The following SRD5A3 variants were observed in gnomAD, a reference collection of about 807,000 sequenced individuals.
The protein encoded by SRD5A3 is steroid 5 alpha-reductase 3.
A neutral mutation model predicts 34.3 loss-of-function variants in SRD5A3; 24 were observed. That is an observed-to-expected ratio of 0.70 (90% confidence interval 0.51 to 0.99). The LOEUF is 0.99. Among genes scored for constraint, SRD5A3 ranks in the 50% least tolerant of loss-of-function variants. The pLI is 0.00. For missense variants in SRD5A3, 350 were observed against 388.2 expected (o/e 0.90, Z 0.83); for synonymous variants, 161 against 167.3 (o/e 0.96, Z 0.29).
Position 55,346,351 on chromosome 4 carries a change from G to C in SRD5A3, c.15G>C (p.Ala5=). 2 of 1,515,378 alleles carry C rather than the reference G, an allele frequency of 1.3e-6. No individual in the cohort carries two copies. Among genetic ancestry groups the C allele is most frequent in the Non-Finnish European group, 1.8e-6 (2 of 1,133,570 alleles). The allele number at this position is 1,515,378 out of a possible 1,614,324, so 93.9% of individuals were successfully genotyped here. The part of the protein sequence containing the change: MAPW[A]EAEHSALNPL... ...GCACGCGGGCCATGGCTCCCTGGGC[G>C]GAGGCCGAGCACTCGGCGCTGAACC... The change falls in exon 1 of 5, where the codon GCG becomes GCC. Residue 5 remains alanine (A), a synonymous_variant. Transcript: ENST00000264228.
chr4:55,359,195 C>A, intron 1 of SRD5A3, 151 bp from the exon 2 acceptor site: 1 of 1,051,780 alleles, frequency 9.5e-7, no homozygotes, highest in Non-Finnish European at 1.4e-6. Flanking sequence ...AGAACCTGAA[C>A]ACCTATAGGA....
Position 55,353,560 on chromosome 4 carries a change from T to G in SRD5A3, c.222-5786T>G, listed in dbSNP as rs1719289459. On this transcript the variant is annotated intron_variant, in intron 1 of 4. Transcript: ENST00000264228. ...GGGTCCCCTTCTACCCTGTGGAGGC[T>G]GTATTCTTTTGCTCTTCACGGTAAG... 2.0e-5 allele frequency among the ~76,000 whole-genome samples: 3 copies of G among 152,196 alleles called. No individual in the cohort carries two copies. In the South Asian group the frequency reaches 6.2e-4, roughly 31 times the overall value.
rs1325249991 is a variant in SRD5A3 at position 55,347,889 on chromosome 4, GGCT to G, written c.221+1333_221+1335del. 1.1e-4 allele frequency among the ~76,000 whole-genome samples: 16 copies of G among 152,254 alleles called. No individual in the cohort carries two copies. In the East Asian group the frequency reaches 2.9e-3, roughly 28 times the overall value. On this transcript the variant is annotated intron_variant, in intron 1 of 4. Transcript: ENST00000264228. The stretch of plus-strand genomic sequence containing the variant: ...TTGATCAAACCTCCTGTTTCCTAGA[GGCT>G]CTTTTTAAGCAAAAATTACCTGTTA...
Position 55,359,423 on chromosome 4 carries a change from T to A in SRD5A3, c.299T>A (p.Leu100Gln). Residue 100 changes from leucine (L) to glutamine (Q), a missense_variant, in exon 2 of 5, where the codon CTG (leucine) becomes CAG (glutamine). Physicochemically the swap from Leu to Gln is moderately radical, Grantham distance 113. Transcript: ENST00000264228. Reference sequence around the variant, plus strand: ...TGGTGCCTTACTCAATCTCTGTTCCTGGGAGCACCTTTTCCAAGCTGGCTT... The same window carrying A: ...TGGTGCCTTACTCAATCTCTGTTCCAGGGAGCACCTTTTCCAAGCTGGCTT... ...LLWCLTQSLF[L>Q]GAPFPSWLHG... The A allele has an allele frequency of 6.2e-7, 1 of 1,614,120 alleles. No individual in the cohort carries two copies. Among genetic ancestry groups the A allele is most frequent in the Non-Finnish European group, 8.5e-7 (1 of 1,180,024 alleles).
intron 3 of SRD5A3, among the ~76,000 whole-genome samples, chr4:55,365,430 T>G (rs1418806494): frequency 6.6e-6 from 1 of 152,236 alleles, no homozygotes; most frequent in East Asian, 1.9e-4. Context: ...TTAGCTAGCA[T>G]CTCTCTGATT....
In SRD5A3 at chr4:55,369,858, A is replaced by T; in HGVS notation, c.724A>T (p.Ile242Phe). The change falls in exon 5 of 5, where the codon ATC (isoleucine) becomes TTC (phenylalanine). Residue 242 changes from isoleucine to phenylalanine, a missense_variant. By Grantham distance (21) the Ile-to-Phe change is conservative (BLOSUM62 0). Around this residue, in one of 3 missense-constraint regions of SRD5A3, gnomAD observed 186 missense variants for 221.4 expected, o/e 0.84. Transcript: ENST00000264228. The part of the protein sequence containing the change: ...AGVVIHCNHR[I>F]PFGDWFEYVS... ...AGTGGTCATTCACTGTAACCACAGGATCCCATTTGGAGACTGGTTTGAATA... is the reference window on the plus strand; with the variant it reads ...AGTGGTCATTCACTGTAACCACAGGTTCCCATTTGGAGACTGGTTTGAATA... 6.2e-7 allele frequency: 1 copy of T among 1,614,160 alleles called. No individual in the cohort carries two copies. Among genetic ancestry groups the T allele is most frequent in the Non-Finnish European group, 8.5e-7 (1 of 1,180,018 alleles).
chr4:55,369,096 T>G (rs1384364293), intron 4 of SRD5A3, among the ~76,000 whole-genome samples: 5 of 152,196 alleles, frequency 3.3e-5, no homozygotes, highest in African/African-American at 1.2e-4. Context: ...GGCCCTGTTC[T>G]GAGTGCTTTA....
chr4:55,366,220 G>C (rs1360492869), intron 3 of SRD5A3, among the ~76,000 whole-genome samples: 1 of 152,146 alleles, frequency 6.6e-6, no homozygotes, highest in African/African-American at 2.4e-5. Flanking sequence ...CCTTTTTCCT[G>C]TAGGTAAACT....
chr4:55,357,931 G>A (rs1344708486), intron 1 of SRD5A3, among the ~76,000 whole-genome samples: 2 of 152,178 alleles, frequency 1.3e-5, no homozygotes. Flanking sequence ...GGAATGATCA[G>A]GTTGGATCAG....
chr4:55,368,098 C>T (rs948780097), intron 4 of SRD5A3, among the ~76,000 whole-genome samples: 103 of 152,168 alleles, frequency 6.8e-4, no homozygotes, highest in African/African-American at 2.4e-3. Flanking sequence ...TTGAATAGGC[C>T]AGGCGCAGTG....
Position 55,369,825 on chromosome 4 carries a change from C to T in SRD5A3, c.698-7C>T. On this transcript the variant is annotated splice_polypyrimidine_tract_variant and splice_region_variant and intron_variant, in intron 4 of 4. Coordinates refer to ENST00000264228, the MANE Select transcript of SRD5A3 (RefSeq NM_024592.5). ...AATGCTTATGAGATCTTCTTTTACC[C>T]TTTCAGGAGTGGTCATTCACTGTAA... The T allele has an allele frequency of 6.2e-7, 1 of 1,613,996 alleles. No individual in the cohort carries two copies. The highest frequency in any genetic ancestry group is 8.5e-7 in the Non-Finnish European group (1 of 1,180,004).
intron 2 of SRD5A3, 161 bp from the exon 3 acceptor site, chr4:55,363,913 G>A: frequency 1.3e-6 from 1 of 746,842 alleles, no homozygotes; most frequent in Middle Eastern, 3.5e-4. Context: ...TGTAATTTGA[G>A]TGAAGTCAAA....
chr4:55,361,836 T>C (rs1350622899), intron 2 of SRD5A3, among the ~76,000 whole-genome samples: 1 of 151,994 alleles, frequency 6.6e-6, no homozygotes, highest in African/African-American at 2.4e-5. Context: ...ACATCCTCTT[T>C]GGAAGGGTAG....
At chr4:55,347,462 C>A (rs1475512643) in intron 1 of SRD5A3, among the ~76,000 whole-genome samples, 1 of 152,064 alleles carries the variant, frequency 6.6e-6, no homozygotes, top group South Asian at 2.1e-4. Context: ...GACTCCGTCT[C>A]TCCTGAAAAT....
intron 1 of SRD5A3, among the ~76,000 whole-genome samples, chr4:55,354,637 G>T (rs1474481990): frequency 1.3e-5 from 2 of 152,046 alleles, no homozygotes; most frequent in African/African-American, 2.4e-5. Context: ...TAGCCACATG[G>T]TTTATCCCCT....
At chr4:55,355,574 A>G (rs1303176326) in intron 1 of SRD5A3, among the ~76,000 whole-genome samples, 2 of 152,198 alleles carry the variant, frequency 1.3e-5, no homozygotes, top group East Asian at 3.9e-4. Flanking sequence ...ACACAAGTAG[A>G]GCGCAGCACG....
chr4:55,362,449 TTTTC>T (rs1002089723), intron 2 of SRD5A3, among the ~76,000 whole-genome samples: 9 of 151,938 alleles, frequency 5.9e-5, no homozygotes, highest in East Asian at 5.8e-4. Context: ...TGTTTCATTT[TTTTC>T]TTTCTTTTTC....
intron 2 of SRD5A3, among the ~76,000 whole-genome samples, chr4:55,362,010 A>G (rs1007671723): frequency 6.6e-6 from 1 of 152,200 alleles, no homozygotes; most frequent in Non-Finnish European, 1.5e-5. Context: ...ACTAAGTTTT[A>G]GTTCATTTAA....
chr4:55,358,851 G>C (rs1417632118), intron 1 of SRD5A3: 1 of 166,536 alleles, frequency 6.0e-6, no homozygotes, highest in Non-Finnish European at 1.3e-5. Context: ...ACTGAGTCAT[G>C]CCTGAAGATC....
Sources: allele counts gnomAD v4.1 joint callset (sites outside exome capture counted in the v4.1 genomes callset), GRCh38; gene constraint gnomAD v4.1.1; regional missense constraint gnomAD v4.1.1; transcripts MANE v1.5; gene names NCBI Gene and HGNC (gene_info 2026-07-23, HGNC 2026-07-21).